Variants in NT5C1B observed in about 807,000 individuals in gnomAD.
NT5C1B encodes cytosolic 5'-nucleotidase 1B.
A neutral mutation model predicts 57.8 loss-of-function variants in NT5C1B; 44 were observed. The ratio of observed to expected loss-of-function variants is 0.76; its 90% CI spans 0.60 to 0.98. The LOEUF (loss-of-function observed/expected upper bound fraction) is 0.98, where lower values mean the gene tolerates loss of function less well. Among genes scored for constraint, NT5C1B ranks in the 50% least tolerant of loss-of-function variants. NT5C1B has a pLI of 0.00. For missense variants in NT5C1B, 742 were observed against 719.5 expected, an observed-to-expected ratio of 1.03 and a Z score of -0.36; for synonymous variants, 284 against 282.6, an observed-to-expected ratio of 1.00 and a Z score of -0.05.
At chr2:18,588,746 T>C (rs1409016110) in intron 1 of NT5C1B, among the ~76,000 whole-genome samples, 5 of 152,130 alleles carry the variant, frequency 3.3e-5, no homozygotes, top group African/African-American at 7.2e-5. Flanking sequence ...CTGTCCACCG[T>C]ATTTATTTAG....
chr2:18,577,541 A>C (rs1322164555), intron 6 of NT5C1B, among the ~76,000 whole-genome samples: 4 of 152,000 alleles, frequency 2.6e-5, no homozygotes, highest in African/African-American at 9.7e-5. Flanking sequence ...GGCAGAAATC[A>C]AGAAATTATT....
At chr2:18,587,285 G>T in intron 2 of NT5C1B, 2 of 1,485,446 alleles carry the variant, frequency 1.3e-6, no homozygotes, top group Non-Finnish European at 1.8e-6. Flanking sequence ...AGCCTGCTGT[G>T]GTTCCACACA....
chr2:18,587,972 A>G (rs1475905110), intron 1 of NT5C1B, among the ~76,000 whole-genome samples: 1 of 152,044 alleles, frequency 6.6e-6, no homozygotes, highest in Non-Finnish European at 1.5e-5. Flanking sequence ...TTTCCTTGCC[A>G]TTTAGAATTC....
exon 9 of NT5C1B, chr2:18,563,593 C>A: frequency 2.1e-6 from 1 of 470,148 alleles, no homozygotes; most frequent in Non-Finnish European, 3.7e-6. Flanking sequence ...TGGCATTCAA[C>A]AGTATTGGTA....
intron 6 of NT5C1B, among the ~76,000 whole-genome samples, chr2:18,580,733 T>C (rs1666112836): frequency 6.6e-6 from 1 of 152,234 alleles, no homozygotes; most frequent in Non-Finnish European, 1.5e-5. Context: ...CAAAATGTAG[T>C]GCATATATAC....
chr2:18,588,446 C>A (rs1558393150), intron 1 of NT5C1B, among the ~76,000 whole-genome samples: 1 of 152,156 alleles, frequency 6.6e-6, no homozygotes, highest in East Asian at 1.9e-4. Flanking sequence ...AAAATCTCAT[C>A]AATGTTAGTT....
At chr2:18,577,065 T>C (rs997956513) in intron 6 of NT5C1B, among the ~76,000 whole-genome samples, 170 bp from the exon 7 acceptor site, 15 of 152,222 alleles carry the variant, frequency 9.9e-5, no homozygotes, top group African/African-American at 3.6e-4. Context: ...AATCATCTTA[T>C]GGTACCAATA....
intron 6 of NT5C1B, among the ~76,000 whole-genome samples, chr2:18,577,850 G>T (rs1417257299): frequency 6.6e-6 from 1 of 152,020 alleles, no homozygotes; most frequent in Non-Finnish European, 1.5e-5. Context: ...AAATAAGATT[G>T]ATAGACTGCT....
intron 8 of NT5C1B, among the ~76,000 whole-genome samples, chr2:18,570,664 C>T (rs753343067): frequency 6.6e-6 from 1 of 152,100 alleles, no homozygotes; most frequent in Non-Finnish European, 1.5e-5. Context: ...TTCTACCAAA[C>T]ATTTTAAATA....
chr2:18,581,666 T>A (rs1666196956), intron 6 of NT5C1B, among the ~76,000 whole-genome samples: 1 of 152,188 alleles, frequency 6.6e-6, no homozygotes, highest in African/African-American at 2.4e-5. Flanking sequence ...CTAAATCATA[T>A]GAATTTCATC....
chr2:18,567,455 A>T (rs1044467291), intron 8 of NT5C1B, among the ~76,000 whole-genome samples: 17 of 152,320 alleles, frequency 1.1e-4, no homozygotes, highest in African/African-American at 3.4e-4. Context: ...CCCTAGGAAG[A>T]TAGAAGAAAT....
intron 5 of NT5C1B, chr2:18,583,454 A>G (rs1666362172): frequency 1.0e-5 from 2 of 197,182 alleles, no homozygotes; most frequent in Non-Finnish European, 2.1e-5. Context: ...TTTAGTATAT[A>G]TTCTGTCAGA....
chr2:18,564,029 A>G, exon 9 of NT5C1B: 8 of 1,613,918 alleles, frequency 5.0e-6, no homozygotes, highest in Non-Finnish European at 6.8e-6. Flanking sequence ...GTAACCAGGT[A>G]GGTCCTGATA....
At chr2:18,583,058 C>T (rs548398233) in intron 5 of NT5C1B, 61 bp from the exon 6 acceptor site, 37 of 1,564,900 alleles carry the variant, frequency 2.4e-5, no homozygotes, top group Middle Eastern at 1.8e-4. Flanking sequence ...CTGGGGAGGC[C>T]GGAGAGGAAG....
At chr2:18,578,750 C>G (rs1169273385) in intron 6 of NT5C1B, among the ~76,000 whole-genome samples, 1 of 152,104 alleles carries the variant, frequency 6.6e-6, no homozygotes, top group Non-Finnish European at 1.5e-5. Flanking sequence ...CAAGGATGCC[C>G]ACTCTCACCA....
chr2:18,573,420 T>C (rs1419745300), intron 8 of NT5C1B, among the ~76,000 whole-genome samples: 1 of 151,236 alleles, frequency 6.6e-6, no homozygotes, highest in Admixed American at 6.6e-5. Flanking sequence ...TTTTACTCTA[T>C]ATAAATATAC....
chr2:18,581,166 C>T (rs796088785), intron 6 of NT5C1B, among the ~76,000 whole-genome samples: 1 of 152,090 alleles, frequency 6.6e-6, no homozygotes, highest in Non-Finnish European at 1.5e-5. Context: ...AAAATATGCA[C>T]CTTCATATAC....
chr2:18,581,273 C>A (rs1350917782), intron 6 of NT5C1B, among the ~76,000 whole-genome samples: 1 of 151,982 alleles, frequency 6.6e-6, no homozygotes, highest in Non-Finnish European at 1.5e-5. Flanking sequence ...TACCTTTTGA[C>A]CTAAGATTCC....
intron 1 of NT5C1B, among the ~76,000 whole-genome samples, chr2:18,588,030 T>G (rs1312491234): frequency 1.3e-5 from 2 of 152,226 alleles, no homozygotes; most frequent in African/African-American, 4.8e-5. Flanking sequence ...TTTTTGTGGC[T>G]CTAGCCTCAC....
Sources: allele counts gnomAD v4.1 joint callset (sites outside exome capture counted in the v4.1 genomes callset), GRCh38; gene constraint gnomAD v4.1.1; transcripts MANE v1.5; gene names NCBI Gene and HGNC (gene_info 2026-07-23, HGNC 2026-07-21).